ECT2L: variants seen among roughly 807,000 people sequenced by gnomAD.
The protein encoded by ECT2L is epithelial cell-transforming sequence 2 oncogene-like.
Under a neutral mutation model 122.8 loss-of-function variants are expected in ECT2L, and 126 were observed. The ratio of observed to expected loss-of-function variants is 1.03; its 90% CI spans 0.89 to 1.19. The LOEUF (loss-of-function observed/expected upper bound fraction) is 1.19, where lower values mean the gene tolerates loss of function less well. ECT2L is among the 50% of genes most tolerant of loss of function. The pLI is 0.00. For synonymous variants in ECT2L, 385 were observed against 381.8 expected (o/e 1.01, Z -0.10); for missense variants, 1,012 against 1,064.1 (o/e 0.95, Z 0.68).
At position 138,852,507 on chromosome 6, in the gene ECT2L, T is replaced by C. The variant is rs183430200; in HGVS notation, c.1070-1519T>C. 3.4e-3 allele frequency among the ~76,000 whole-genome samples: 522 copies of C among 152,244 alleles called. 1 individual carries two copies. Among genetic ancestry groups the C allele is most frequent in the African/African-American group, 0.012 (505 of 41,530 alleles). Reference sequence around the variant, plus strand: ...GGATGAGGGGAGAGAAGGAATAAGATGATCCCAGATATGGCTGGAGTAAAC... The same window carrying C: ...GGATGAGGGGAGAGAAGGAATAAGACGATCCCAGATATGGCTGGAGTAAAC... On this transcript the variant is annotated intron_variant, in intron 9 of 21. Transcript: ENST00000541398.
intron 19 of ECT2L, 61 bp from the exon 20 acceptor site, chr6:138,888,882 C>A: frequency 1.4e-6 from 1 of 708,744 alleles, no homozygotes; most frequent in Non-Finnish European, 2.1e-6. Flanking sequence ...AAATGGTTTG[C>A]AGTAGTAATT....
At chr6:138,880,502 GTTC>G (rs1211289436) in intron 14 of ECT2L, among the ~76,000 whole-genome samples, 2 of 152,146 alleles carry the variant, frequency 1.3e-5, no homozygotes, top group African/African-American at 2.4e-5. Context: ...GCTCATTTCA[GTTC>G]TTCTGTTTGC....
chr6:138,865,091 T>C lies in ECT2L; in HGVS notation c.1387T>C (p.Phe463Leu), dbSNP rs904788976. The C allele has an allele frequency of 5.3e-5, 86 of 1,613,982 alleles. No homozygotes were observed. The highest frequency in any genetic ancestry group is 7.0e-5 in the Non-Finnish European group (83 of 1,180,006). The change falls in exon 12 of 22, where the codon TTC (phenylalanine) becomes CTC (leucine). Residue 463 changes from phenylalanine to leucine, a missense_variant. By Grantham distance (22) the Phe-to-Leu change is conservative. Transcript: ENST00000541398. ...ACAGACGTGGTCCAGCTTCACAGACTTCCTAGAAGAAACCTTGAAAACAGT... is the reference window on the plus strand; with the variant it reads ...ACAGACGTGGTCCAGCTTCACAGACCTCCTAGAAGAAACCTTGAAAACAGT... ...KLQTWSSFTD[F>L]LEETLKTVRK...
chr6:138,876,667 G>T, intron 14 of ECT2L, 109 bp downstream of exon 14: 2 of 593,440 alleles, frequency 3.4e-6, no homozygotes, highest in Non-Finnish European at 5.2e-6. Context: ...CCCTTTGGGG[G>T]ATTAAAAAAA....
intron 4 of ECT2L, among the ~76,000 whole-genome samples, chr6:138,831,921 CAT>C (rs1317056248): frequency 3.9e-5 from 6 of 152,140 alleles, no homozygotes; most frequent in Admixed American, 3.9e-4. Context: ...CCAGGAAAGA[CAT>C]ATATATGCAT....
At chr6:138,862,079 G>T (rs1165653939) in intron 10 of ECT2L, among the ~76,000 whole-genome samples, 1 of 152,182 alleles carries the variant, frequency 6.6e-6, no homozygotes, top group Non-Finnish European at 1.5e-5. Context: ...CAATGGAGAG[G>T]TTTGAATGGA....
chr6:138,857,893 C>A lies in ECT2L; in HGVS notation c.1198+3739C>A, dbSNP rs924349179. On this transcript the variant is annotated intron_variant, in intron 10 of 21. Transcript: ENST00000541398. ...ATAAAGGAAACAGGTTTACTTGACT[C>A]ACAGTTCTGCAGGGCCGGGGAAGCA... 3.3e-5 allele frequency among the ~76,000 whole-genome samples: 5 copies of A among 152,262 alleles called. No homozygotes were observed. In the East Asian group the frequency reaches 5.8e-4, roughly 18 times the overall value.
intron 4 of ECT2L, 148 bp downstream of exon 4, chr6:138,814,751 A>C (rs1776013765): frequency 1.9e-6 from 1 of 534,700 alleles, no homozygotes; most frequent in East Asian, 3.0e-5. Flanking sequence ...AGACTTTTCC[A>C]GTGCCTGCTT....
intron 14 of ECT2L, among the ~76,000 whole-genome samples, chr6:138,879,975 T>TA (rs35176610): frequency 0.34 from 51,916 of 151,550 alleles, 9,537 homozygotes; most frequent in Admixed American, 0.42. Context: ...TAAAATAAAA[T>TA]AAATAAATAC....
At chr6:138,855,931 T>G (rs1287611166) in intron 10 of ECT2L, among the ~76,000 whole-genome samples, 3 of 152,202 alleles carry the variant, frequency 2.0e-5, no homozygotes, top group Non-Finnish European at 4.4e-5. Context: ...AAAAGTGGAT[T>G]TGGTGACATA....
At chr6:138,839,274 A>T (rs982814579) in intron 5 of ECT2L, among the ~76,000 whole-genome samples, 1 of 152,220 alleles carries the variant, frequency 6.6e-6, no homozygotes, top group African/African-American at 2.4e-5. Context: ...GCTGTTTAAA[A>T]TCAACATCTT....
At chr6:138,804,946 A>G (rs1394031232) in intron 1 of ECT2L, among the ~76,000 whole-genome samples, 1 of 152,100 alleles carries the variant, frequency 6.6e-6, no homozygotes, top group Non-Finnish European at 1.5e-5. Flanking sequence ...CTCCCTCTCT[A>G]CGTCAGCACC....
chr6:138,815,729 C>G (rs185167285), intron 4 of ECT2L, among the ~76,000 whole-genome samples: 59 of 152,296 alleles, frequency 3.9e-4, no homozygotes, highest in African/African-American at 1.4e-3. Flanking sequence ...GGTACTTTCA[C>G]TAGAACTTGG....
At chr6:138,850,085 A>T (rs1190972980) in intron 9 of ECT2L, among the ~76,000 whole-genome samples, 1 of 152,090 alleles carries the variant, frequency 6.6e-6, no homozygotes, top group Non-Finnish European at 1.5e-5. Context: ...CATTTCTATG[A>T]ATTTGAGTAT....
chr6:138,879,120 CTG>C (rs1185959020), intron 14 of ECT2L: 1 of 208,716 alleles, frequency 4.8e-6, no homozygotes, highest in Non-Finnish European at 1.0e-5. Context: ...GCAGGTGTGT[CTG>C]TTTCATTGAT....
At chr6:138,851,013 A>AAAAAAAAAAAAAAAAAAAAG (rs1562474231) in intron 9 of ECT2L, among the ~76,000 whole-genome samples, 8 of 148,332 alleles carry the variant, frequency 5.4e-5, no homozygotes, top group African/African-American at 1.8e-4. Context: ...AAAAAAAAAA[A>AAAAAAAAAAAAAAAAAAAAG]AAAAAAAAAA....
At position 138,901,353 on chromosome 6, in the gene ECT2L, C is replaced by CA. The variant is rs765504925; in HGVS notation, c.2587+238dup. Among the ~76,000 whole-genome samples the CA allele has an allele frequency of 1.8e-4, 27 of 152,294 alleles. 1 individual carries two copies. The highest frequency in any genetic ancestry group is 3.1e-4 in the Non-Finnish European group (21 of 68,018). On this transcript the variant is annotated intron_variant, in intron 21 of 21. Transcript: ENST00000541398. ...CCTTAGACATTAGGAAAACAGCTTT[C>CA]AAAAATCACAAAGGGAGGCAAGGCC... is the stretch of plus-strand genomic sequence containing the variant.
At chr6:138,872,880 T>C (rs1778304418) in intron 13 of ECT2L, among the ~76,000 whole-genome samples, 1 of 151,930 alleles carries the variant, frequency 6.6e-6, no homozygotes, top group African/African-American at 2.4e-5. Context: ...AAGAAAGCAA[T>C]AAGGACCAAA....
At chr6:138,861,445 C>T (rs1777828907) in intron 10 of ECT2L, among the ~76,000 whole-genome samples, 1 of 152,176 alleles carries the variant, frequency 6.6e-6, no homozygotes, top group Admixed American at 6.5e-5. Flanking sequence ...GATGGTATCT[C>T]ATTGTGGTTT....
Sources: gnomAD v4.1 joint callset for allele counts (sites outside exome capture counted in the v4.1 genomes callset) on GRCh38, gnomAD v4.1.1 for gene constraint, MANE v1.5 for transcripts, NCBI Gene and HGNC (gene_info 2026-07-23, HGNC 2026-07-21) for gene names.